SERPINB7: variants seen among roughly 807,000 people sequenced by gnomAD.
SERPINB7 encodes serpin B7.
SERPINB7 carries 31 observed loss-of-function variants against 37.4 expected under a neutral mutation model. The observed-to-expected ratio is 0.83, with a 90% CI of 0.62 to 1.12. The LOEUF is 1.12. SERPINB7 is among the 50% of genes most tolerant of loss of function. The pLI, the probability that SERPINB7 is intolerant of heterozygous loss-of-function variation, is 0.00. For missense variants in SERPINB7, 521 were observed against 455.3 expected, an observed-to-expected ratio of 1.14 and a Z score of -1.31; for synonymous variants, 163 against 166.1, an observed-to-expected ratio of 0.98 and a Z score of 0.14.
intron 1 of SERPINB7, among the ~76,000 whole-genome samples, chr18:63,762,614 C>T (rs186207954): frequency 1.1e-3 from 161 of 152,186 alleles, no homozygotes; most frequent in African/African-American, 3.7e-3. Context: ...TGCCTTATTT[C>T]CCCCCCATGA....
intron 5 of SERPINB7, among the ~76,000 whole-genome samples, chr18:63,797,563 A>G (rs2049501479): frequency 6.6e-6 from 1 of 152,084 alleles, no homozygotes; most frequent in African/African-American, 2.4e-5. Flanking sequence ...ATGCATAATT[A>G]CTCTAATTTT....
At chr18:63,768,909 T>G (rs1316053604) in intron 1 of SERPINB7, among the ~76,000 whole-genome samples, 1 of 152,170 alleles carries the variant, frequency 6.6e-6, no homozygotes, top group Non-Finnish European at 1.5e-5. Context: ...CAGTTTTGAA[T>G]GTATCAATAA....
intron 1 of SERPINB7, among the ~76,000 whole-genome samples, chr18:63,764,758 G>A (rs1568200693): frequency 6.6e-6 from 1 of 152,052 alleles, no homozygotes. Flanking sequence ...TGGGAAAAGA[G>A]AGCTTAAAGA....
At chr18:63,793,379 T>C (rs1331956003) in intron 4 of SERPINB7, 102 bp downstream of exon 4, 2 of 570,232 alleles carry the variant, frequency 3.5e-6, no homozygotes, top group Non-Finnish European at 6.2e-6. Context: ...GATGGTTTTG[T>C]TTCTCATTGC....
At chr18:63,790,717 G>A (rs567482602) in intron 2 of SERPINB7, among the ~76,000 whole-genome samples, 56 of 152,290 alleles carry the variant, frequency 3.7e-4, no homozygotes, top group Admixed American at 9.8e-4. Flanking sequence ...AAAACATGGG[G>A]TAGGGAGGGA....
chr18:63,753,789 T>A (rs1362599052), intron 1 of SERPINB7, among the ~76,000 whole-genome samples: 3 of 152,184 alleles, frequency 2.0e-5, no homozygotes, highest in Non-Finnish European at 2.9e-5. Context: ...TCAAAAAAAT[T>A]TTTTAGTAAT....
intron 1 of SERPINB7, among the ~76,000 whole-genome samples, chr18:63,759,702 A>G (rs2049141983): frequency 6.6e-6 from 1 of 152,064 alleles, no homozygotes; most frequent in African/African-American, 2.4e-5. Context: ...ACCCAGAGGG[A>G]GGTAATTGAA....
intron 2 of SERPINB7, among the ~76,000 whole-genome samples, chr18:63,790,539 T>C (rs2049416297): frequency 6.6e-6 from 1 of 152,230 alleles, no homozygotes; most frequent in African/African-American, 2.4e-5. Flanking sequence ...TTTCCTTAAC[T>C]CAATTTGTAT....
upstream of SERPINB7, among the ~76,000 whole-genome samples, chr18:63,770,503 T>C (rs1367961450): frequency 1.3e-5 from 2 of 152,012 alleles, no homozygotes; most frequent in Non-Finnish European, 2.9e-5. Context: ...TGGAAGCTAT[T>C]GTCATTATTA....
At chr18:63,777,681 A>T (rs2049261862) in intron 1 of SERPINB7, 1 of 152,466 alleles carries the variant, frequency 6.6e-6, no homozygotes, top group Non-Finnish European at 1.5e-5. Context: ...TATTTATTTT[A>T]ATGACATTAT....
intron 6 of SERPINB7, 73 bp downstream of exon 6, chr18:63,798,819 C>T: frequency 6.9e-7 from 1 of 1,458,902 alleles, no homozygotes. Flanking sequence ...GTGATAGTTA[C>T]ATAGTAAACT....
At chr18:63,768,283 A>C (rs1320056708) in intron 1 of SERPINB7, among the ~76,000 whole-genome samples, 1 of 151,774 alleles carries the variant, frequency 6.6e-6, no homozygotes, top group Non-Finnish European at 1.5e-5. Flanking sequence ...TTTATTCTGT[A>C]GATCATTCTA....
chr18:63,767,134 G>T (rs773729996), intron 1 of SERPINB7, among the ~76,000 whole-genome samples: 1 of 152,064 alleles, frequency 6.6e-6, no homozygotes, highest in Admixed American at 6.5e-5. Flanking sequence ...TCCAGTTGGG[G>T]ACTGTGATGT....
intron 6 of SERPINB7, among the ~76,000 whole-genome samples, chr18:63,798,948 C>A (rs938686033): frequency 6.6e-6 from 1 of 152,102 alleles, no homozygotes; most frequent in African/African-American, 2.4e-5. Context: ...CACCACCAAA[C>A]GTGTCTTGTA....
intron 1 of SERPINB7, among the ~76,000 whole-genome samples, chr18:63,759,705 T>C (rs530614675): frequency 2.6e-4 from 39 of 152,110 alleles, no homozygotes; most frequent in Non-Finnish European, 3.2e-4. Flanking sequence ...CAGAGGGAGG[T>C]AATTGAATCA....
chr18:63,793,078 G>A (rs1316685278), intron 3 of SERPINB7, 83 bp from the exon 4 acceptor site: 2 of 642,208 alleles, frequency 3.1e-6, no homozygotes, highest in East Asian at 5.8e-5. Context: ...GGTATAATTT[G>A]CATGTTTTGT....
At chr18:63,758,492 G>A (rs957185693) in intron 1 of SERPINB7, among the ~76,000 whole-genome samples, 2 of 152,172 alleles carry the variant, frequency 1.3e-5, no homozygotes, top group African/African-American at 2.4e-5. Flanking sequence ...ATCTACCCAC[G>A]TGTAGAAACT....
chr18:63,753,598 C>CT (rs923590266), intron 1 of SERPINB7, among the ~76,000 whole-genome samples: 2 of 152,116 alleles, frequency 1.3e-5, no homozygotes, highest in Non-Finnish European at 2.9e-5. Context: ...GCTAGTTTTA[C>CT]TTTTTTGTTA....
chr18:63,792,067 G>A (rs1191653055), intron 2 of SERPINB7, among the ~76,000 whole-genome samples: 1 of 152,142 alleles, frequency 6.6e-6, no homozygotes, highest in Non-Finnish European at 1.5e-5. Context: ...ATCCGTGTGT[G>A]GACTGACTAC....
Sources: allele counts gnomAD v4.1 joint callset (sites outside exome capture counted in the v4.1 genomes callset), GRCh38; gene constraint gnomAD v4.1.1; transcripts MANE v1.5; gene names NCBI Gene and HGNC (gene_info 2026-07-23, HGNC 2026-07-21).